RASIP1: variants seen among roughly 807,000 people sequenced by gnomAD.
RASIP1 encodes ras-interacting protein 1.
A neutral mutation model predicts 85.3 loss-of-function variants in RASIP1; 20 were observed. That is an observed-to-expected ratio of 0.23 (90% CI 0.17 to 0.34). The LOEUF (loss-of-function observed/expected upper bound fraction) is 0.34, where lower values mean the gene tolerates loss of function less well. Ranked by LOEUF, RASIP1 falls within the 10% of genes least tolerant of loss-of-function variation. The pLI is 1.00. For synonymous variants in RASIP1, 617 were observed against 647.1 expected (o/e 0.95, Z 0.71); for missense variants, 1,170 against 1,390.9 (o/e 0.84, Z 2.53).
In RASIP1 at chr19:48,729,493, G is replaced by T. The variant is rs1363236497; in HGVS notation, c.1277C>A (p.Thr426Asn). Residue 426 changes from threonine (T) to asparagine (N), a missense_variant, in exon 5 of 12, where the codon ACC becomes AAC. Transcript: ENST00000222145. ...RGGSPAPYVD[T>N]FLNAPDILPR... is the part of the protein sequence containing the mutation. ...CAGGATGTCCGGGGCGTTGAGGAAGGTGTCCACATAGGGAGCCGGGGACCC... is the reference window on the plus strand; with the variant it reads ...CAGGATGTCCGGGGCGTTGAGGAAGTTGTCCACATAGGGAGCCGGGGACCC... The T allele has an allele frequency of 6.3e-7, 1 of 1,589,556 alleles. No homozygotes were observed. The highest frequency in any genetic ancestry group is 1.1e-5 in the South Asian group (1 of 87,496).
At position 48,740,387 on chromosome 19, in the gene RASIP1, T is replaced by A; in HGVS notation, c.-4-101A>T. 6.9e-7 allele frequency: 1 copy of A among 1,458,986 alleles called. No individual in the cohort carries two copies. Among genetic ancestry groups the A allele is most frequent in the Non-Finnish European group, 9.1e-7 (1 of 1,096,662 alleles). 90.4% of individuals were successfully genotyped at this position (1,458,986 alleles called of 1,614,324 possible). A position where few individuals can be genotyped will look rare whatever the true frequency, so the allele number is the denominator to read the frequency against. ...GTCAGAGGGAGGAGGGGGCTGGGGC[T>A]CAGACTTGCGAGTCCAGGGGGAGGA... On this transcript the variant is annotated intron_variant, in intron 1 of 11. Coordinates refer to ENST00000222145, the MANE Select transcript of RASIP1 (RefSeq NM_017805.3). This position sits in a 1 kb window ranked among gnomAD's most constrained non-coding sequence, Gnocchi z 5.5.
In RASIP1 at chr19:48,721,956, C is replaced by A; in HGVS notation, c.2590G>T (p.Ala864Ser). ...TGGCTGAGCAGATGGTGCAGCTGGG[C>A]GGGGGTCAAGGTGGGGTGGTCGGTT... ...LRTDHPTLTP[A>S]QLHHLLSHYQ... The change falls in exon 11 of 12, where the codon GCC becomes TCC. Residue 864 changes from alanine to serine, a missense_variant. By Grantham distance (99) the Ala-to-Ser change is moderately conservative. Transcript: ENST00000222145. The A allele has an allele frequency of 6.5e-7, 1 of 1,545,496 alleles. No homozygotes were observed. Among genetic ancestry groups the A allele is most frequent in the South Asian group, 1.2e-5 (1 of 83,258 alleles).
rs2033321855 is a variant in RASIP1 at position 48,725,171 on chromosome 19, G to A, written c.2128-211C>T. 1.1e-5 allele frequency: 6 copies of A among 566,504 alleles called. No individual in the cohort carries two copies. In the South Asian group the frequency reaches 1.3e-4, roughly 13 times the overall value. The allele number at this position is 566,504 out of a possible 1,614,324, so 35.1% of individuals were successfully genotyped here. On this transcript the variant is annotated intron_variant, in intron 8 of 11. Transcript: ENST00000222145. ...CTCGAGTATTTTAAGATCACCTCTT[G>A]TGCATTGTGGGACTTGTAGTTCTCA... is the stretch of plus-strand genomic sequence containing the variant.
chr19:48,737,863 A>G (rs1221957444), intron 3 of RASIP1: 2 of 972,746 alleles, frequency 2.1e-6, no homozygotes, highest in Admixed American at 1.4e-4. Context: ...CATCGCTCCC[A>G]AGAACATTGT....
At position 48,729,138 on chromosome 19, in the gene RASIP1, G is replaced by A; in HGVS notation, c.1632C>T (p.Val544=). 6 of 1,355,816 alleles carry A rather than the reference G, an allele frequency of 4.4e-6. No individual in the cohort carries two copies. Among genetic ancestry groups the A allele is most frequent in the Non-Finnish European group, 5.7e-6 (6 of 1,055,916 alleles). The allele number at this position is 1,355,816 out of a possible 1,614,324, so 84.0% of individuals were successfully genotyped here. A position where few individuals can be genotyped will look rare whatever the true frequency, so the allele number is the denominator to read the frequency against. ...CCTCCTCGCGCGGCCGGAAGCGCAGGACTGGCTCACGGCCGTCCAGGTAGG... is the reference window on the plus strand; with the variant it reads ...CCTCCTCGCGCGGCCGGAAGCGCAGAACTGGCTCACGGCCGTCCAGGTAGG... The part of the protein sequence containing the change: ...LAAYLDGREP[V]LRFRPREEEA... The change falls in exon 5 of 12, where the codon GTC becomes GTT. Residue 544 remains valine (V), a synonymous_variant. Coordinates refer to ENST00000222145, the MANE Select transcript of RASIP1 (RefSeq NM_017805.3).
Position 48,740,191 on chromosome 19 carries a change from TGCTTCCTGGG to T in RASIP1, c.82_91del (p.Pro28SerfsTer150). 6.3e-7 allele frequency: 1 copy of T among 1,593,486 alleles called. No homozygotes were observed. The highest frequency in any genetic ancestry group is 8.5e-7 in the Non-Finnish European group (1 of 1,173,304). The stretch of plus-strand genomic sequence containing the variant: ...CCAGCGCCGCCCCAGCTTCGCCAGC[TGCTTCCTGGG>T]GGAATTGATCCACAGGCCCACGGGG... On this transcript the variant is annotated frameshift_variant, in exon 2 of 12. Coordinates refer to ENST00000222145, the MANE Select transcript of RASIP1 (RefSeq NM_017805.3). LOFTEE classifies it high-confidence loss of function. The surrounding 1 kb of genome is among the most constrained non-coding windows in gnomAD (Gnocchi z 5.5).
In RASIP1 at chr19:48,735,182, G is replaced by T; in HGVS notation, c.1179+14C>A. ...TATAGGGCTCTGGGCGTGCGGGGCTGGGGCGGCGGTTACCTGGGCGTCCTG... is the reference window on the plus strand; with the variant it reads ...TATAGGGCTCTGGGCGTGCGGGGCTTGGGCGGCGGTTACCTGGGCGTCCTG... On this transcript the variant is annotated intron_variant, in intron 4 of 11. Transcript: ENST00000222145. 1 of 1,595,176 alleles carries T rather than the reference G, an allele frequency of 6.3e-7. No individual in the cohort carries two copies. Among genetic ancestry groups the T allele is most frequent in the Non-Finnish European group, 8.6e-7 (1 of 1,168,388 alleles).
Position 48,740,240 on chromosome 19 carries a change from C to G in RASIP1, c.43G>C (p.Gly15Arg), listed in dbSNP as rs762782867. ...ERKEGGSPRF[G>R]KLHLPVGLWI... ...AGGCCCACGGGGAGATGAAGCTTCC[C>G]GAAGCGGGGGCTTCCGCCCTCCTTC... Residue 15 changes from glycine to arginine, a missense_variant, in exon 2 of 12, where the codon GGG (glycine) becomes CGG (arginine). Transcript: ENST00000222145. This position sits in a 1 kb window ranked among gnomAD's most constrained non-coding sequence, Gnocchi z 5.5. The G allele has an allele frequency of 5.0e-6, 8 of 1,585,468 alleles. No individual in the cohort carries two copies. Among genetic ancestry groups the G allele is most frequent in the South Asian group, 1.1e-5 (1 of 88,264 alleles).
Position 48,735,566 on chromosome 19 carries a change from A to T in RASIP1, c.824-15T>A, listed in dbSNP as rs760660157. The T allele has an allele frequency of 1.5e-5, 22 of 1,515,188 alleles. No homozygotes were observed. In the East Asian group the frequency reaches 5.4e-4, roughly 37 times the overall value. The allele number at this position is 1,515,188 out of a possible 1,614,324, so 93.9% of individuals were successfully genotyped here. A position where few individuals can be genotyped will look rare whatever the true frequency, so the allele number is the denominator to read the frequency against. Reference sequence around the variant, plus strand: ...GGCGCCGGTGCCTGCGGAGAGATGGAGAACAGTGAGGCTGAGCCTGGAAAG... The same window carrying T: ...GGCGCCGGTGCCTGCGGAGAGATGGTGAACAGTGAGGCTGAGCCTGGAAAG... On this transcript the variant is annotated splice_polypyrimidine_tract_variant and intron_variant, in intron 3 of 11. Transcript: ENST00000222145.
In RASIP1 at chr19:48,721,000, G is replaced by A. The variant is rs1476197740; in HGVS notation, c.2693-3C>T. 6.3e-7 allele frequency: 1 copy of A among 1,592,010 alleles called. No homozygotes were observed. Among genetic ancestry groups the A allele is most frequent in the Non-Finnish European group, 8.5e-7 (1 of 1,169,792 alleles). On this transcript the variant is annotated splice_region_variant and splice_polypyrimidine_tract_variant and intron_variant, in intron 11 of 11. Transcript: ENST00000222145. The stretch of plus-strand genomic sequence containing the variant: ...GGAGAAGCTTTCGAAGATGTCCCCT[G>A]TGAGGCCGAAGGCGGCGCGGTTAGA...
rs142912683 is a variant in RASIP1 at position 48,740,160 on chromosome 19, G to A, written c.123C>T (p.Ser41=). The A allele has an allele frequency of 8.9e-5, 142 of 1,593,392 alleles. No individual in the cohort carries two copies. The highest frequency in any genetic ancestry group is 2.7e-4 in the Admixed American group (15 of 54,942). The change falls in exon 2 of 12, where the codon AGC becomes AGT. Residue 41 remains serine, a synonymous_variant. Transcript: ENST00000222145. This position sits in a 1 kb window ranked among gnomAD's most constrained non-coding sequence, Gnocchi z 5.5. ...QLAKLGRRWP[S]AASVKSSSSD... Reference sequence around the variant, plus strand: ...ATGGCACTCACTTGACAGAGGCTGCGCTGGGCCAGCGCCGCCCCAGCTTCG... The same window carrying A: ...ATGGCACTCACTTGACAGAGGCTGCACTGGGCCAGCGCCGCCCCAGCTTCG...
chr19:48,727,334 T>G, intron 6 of RASIP1, 59 bp downstream of exon 6: 1 of 1,586,560 alleles, frequency 6.3e-7, no homozygotes, highest in Non-Finnish European at 8.6e-7. Context: ...AACACAGAAC[T>G]AGACGCAAAA....
intron 4 of RASIP1, among the ~76,000 whole-genome samples, chr19:48,731,345 C>T (rs2033454209): frequency 6.6e-6 from 1 of 151,932 alleles, no homozygotes; most frequent in Non-Finnish European, 1.5e-5. Flanking sequence ...ATGGACTCAC[C>T]TATTACTCCC....
chr19:48,740,045 G>T lies in RASIP1; in HGVS notation c.137+101C>A. The T allele has an allele frequency of 1.4e-5, 20 of 1,416,404 alleles. No homozygotes were observed. In the South Asian group the frequency reaches 2.8e-4, roughly 20 times the overall value. The allele number at this position is 1,416,404 out of a possible 1,614,324, so 87.7% of individuals were successfully genotyped here. ...CCACCAGCTCGTTTGCCCAATTCAG[G>T]ATGAGGACCGGAGCCAACACTTTGC... On this transcript the variant is annotated intron_variant, in intron 2 of 11. Transcript: ENST00000222145. This position sits in a 1 kb window ranked among gnomAD's most constrained non-coding sequence, Gnocchi z 5.5.
rs553288006 is a variant in RASIP1, at chr19:48,740,040, T to A, written c.137+106A>T. On this transcript the variant is annotated intron_variant, in intron 2 of 11. Transcript: ENST00000222145. The surrounding 1 kb of genome is among the most constrained non-coding windows in gnomAD (Gnocchi z 5.5). ...CCTGCCCACCAGCTCGTTTGCCCAATTCAGGATGAGGACCGGAGCCAACAC... is the reference window on the plus strand; with the variant it reads ...CCTGCCCACCAGCTCGTTTGCCCAAATCAGGATGAGGACCGGAGCCAACAC... 1,142 of 1,404,688 alleles carry A rather than the reference T, an allele frequency of 8.1e-4. No individual in the cohort carries two copies. The highest frequency in any genetic ancestry group is 1.3e-3 in the Middle Eastern group (5 of 3,824). 87.0% of individuals were successfully genotyped at this position (1,404,688 alleles called of 1,614,324 possible).
intron 4 of RASIP1, among the ~76,000 whole-genome samples, chr19:48,733,761 C>G (rs562001103): frequency 1.3e-5 from 2 of 150,016 alleles, no homozygotes; most frequent in African/African-American, 4.9e-5. Context: ...GAGCCAAGAT[C>G]GCACCACTGC....
At chr19:48,732,880 G>A (rs553992064) in intron 4 of RASIP1, among the ~76,000 whole-genome samples, 27 of 152,236 alleles carry the variant, frequency 1.8e-4, no homozygotes, top group Non-Finnish European at 3.2e-4. Context: ...TGGAACTGTC[G>A]AATAAGCTAC....
At chr19:48,727,980 G>A (rs1415434037) in intron 5 of RASIP1, among the ~76,000 whole-genome samples, 5 of 152,082 alleles carry the variant, frequency 3.3e-5, no homozygotes, top group Non-Finnish European at 7.4e-5. Flanking sequence ...GAGCCACCAC[G>A]CCTGGCTCTT....
At chr19:48,735,152 T>G in intron 4 of RASIP1, 44 bp downstream of exon 4, 1 of 1,506,094 alleles carries the variant, frequency 6.6e-7, no homozygotes, top group Non-Finnish European at 9.0e-7. Flanking sequence ...CACCAACAGA[T>G]GGGGTATAGG....
Sources: gnomAD v4.1 joint callset for allele counts (sites outside exome capture counted in the v4.1 genomes callset) on GRCh38, gnomAD v4.1.1 for gene constraint, Gnocchi (gnomAD v3.1) non-coding constraint, MANE v1.5 for transcripts, NCBI Gene and HGNC (gene_info 2026-07-23, HGNC 2026-07-21) for gene names.